ARHGAP10: variants seen among roughly 807,000 people sequenced by gnomAD.
ARHGAP10 encodes Rho GTPase activating protein 10.
Under a neutral mutation model 108.6 loss-of-function variants are expected in ARHGAP10, and 87 were observed. The ratio of observed to expected loss-of-function variants is 0.80; its 90% CI spans 0.67 to 0.96. ARHGAP10 has a LOEUF of 0.96. Ranked by LOEUF, ARHGAP10 falls within the 40% of genes least tolerant of loss-of-function variation. ARHGAP10 has a pLI of 0.00. For synonymous variants in ARHGAP10, 347 were observed against 341.1 expected (o/e 1.02, Z -0.19); for missense variants, 939 against 954.5 (o/e 0.98, Z 0.21).
chr4:147,932,609 A>G (rs974766709), intron 13 of ARHGAP10, among the ~76,000 whole-genome samples: 1 of 140,622 alleles, frequency 7.1e-6, no homozygotes. Context: ...ATAATAACAC[A>G]TGGACACATG....
intron 1 of ARHGAP10, among the ~76,000 whole-genome samples, chr4:147,786,605 C>G (rs1730903831): frequency 6.6e-6 from 1 of 152,084 alleles, no homozygotes. Flanking sequence ...TTTAATGTTT[C>G]AAAGGATAAT....
Position 148,004,101 on chromosome 4 carries a change from C to T in ARHGAP10, c.1717-19162C>T, listed in dbSNP as rs188368619. ...ACTTAGAGCCAGGTCCAGTGGTGCA[C>T]GCCTGTAATTCCAGCTACTCAGGAG... On this transcript the variant is annotated intron_variant, in intron 18 of 22. Coordinates refer to ENST00000336498, the MANE Select transcript of ARHGAP10 (RefSeq NM_024605.4). Among the ~76,000 whole-genome samples the T allele has an allele frequency of 5.3e-5, 8 of 152,248 alleles. No homozygotes were observed. The East Asian group carries it at 1.2e-3, about 22-fold the overall frequency.
chr4:147,803,969 G>T (rs1221947446), intron 1 of ARHGAP10, among the ~76,000 whole-genome samples: 1 of 151,640 alleles, frequency 6.6e-6, no homozygotes. Context: ...TGGGAATGCT[G>T]GATCATATGG....
At chr4:147,866,905 A>G in intron 7 of ARHGAP10, 89 bp downstream of exon 7, 1 of 1,130,004 alleles carries the variant, frequency 8.8e-7, no homozygotes, top group Non-Finnish European at 1.3e-6. Flanking sequence ...TTAAATGAAG[A>G]CAATGCTGAT....
chr4:147,855,590 A>T (rs1376464987), intron 4 of ARHGAP10, among the ~76,000 whole-genome samples: 1 of 151,922 alleles, frequency 6.6e-6, no homozygotes, highest in African/African-American at 2.4e-5. Context: ...GAACCATAGG[A>T]TCACAGAATT....
At chr4:148,038,500 A>T (rs567604869) in intron 19 of ARHGAP10, among the ~76,000 whole-genome samples, 1 of 152,040 alleles carries the variant, frequency 6.6e-6, no homozygotes, top group Non-Finnish European at 1.5e-5. Context: ...AGAGGTGTTG[A>T]TTCTTGAGGG....
intron 19 of ARHGAP10, among the ~76,000 whole-genome samples, chr4:148,032,460 G>A (rs531756888): frequency 6.6e-6 from 1 of 150,844 alleles, no homozygotes; most frequent in Non-Finnish European, 1.5e-5. Flanking sequence ...TTATTAGCAA[G>A]TCTGTACCTT....
chr4:147,779,378 C>G (rs879682377), intron 1 of ARHGAP10, among the ~76,000 whole-genome samples: 4 of 152,150 alleles, frequency 2.6e-5, no homozygotes, highest in African/African-American at 4.8e-5. Flanking sequence ...AGCTGGCACT[C>G]TCTTTAGGCA....
intron 13 of ARHGAP10, among the ~76,000 whole-genome samples, chr4:147,928,667 G>A (rs1737553813): frequency 6.6e-6 from 1 of 152,188 alleles, no homozygotes; most frequent in African/African-American, 2.4e-5. Context: ...AGCAGGAATT[G>A]TATATTTTCC....
intron 1 of ARHGAP10, among the ~76,000 whole-genome samples, chr4:147,751,069 C>T (rs572572285): frequency 5.1e-4 from 77 of 151,272 alleles, no homozygotes; most frequent in East Asian, 2.6e-3. Flanking sequence ...GTCCCATCTA[C>T]GTGGGAGGCT....
At chr4:147,926,525 G>T (rs564489084) in intron 13 of ARHGAP10, among the ~76,000 whole-genome samples, 2 of 152,120 alleles carry the variant, frequency 1.3e-5, no homozygotes, top group Non-Finnish European at 2.9e-5. Flanking sequence ...GTTTGGGAGG[G>T]ATAGAGACTG....
chr4:147,802,587 G>C (rs907202288), intron 1 of ARHGAP10, among the ~76,000 whole-genome samples: 1 of 152,176 alleles, frequency 6.6e-6, no homozygotes, highest in Non-Finnish European at 1.5e-5. Flanking sequence ...TTTGTGTCTC[G>C]TAGTTACTTG....
chr4:147,769,133 T>C (rs1230450920), intron 1 of ARHGAP10, among the ~76,000 whole-genome samples: 1 of 152,186 alleles, frequency 6.6e-6, no homozygotes, highest in Non-Finnish European at 1.5e-5. Flanking sequence ...TGGATAATGC[T>C]TTAAGGTAGG....
intron 1 of ARHGAP10, among the ~76,000 whole-genome samples, chr4:147,818,168 T>C (rs1015508097): frequency 3.3e-5 from 5 of 151,730 alleles, no homozygotes; most frequent in African/African-American, 7.3e-5. Context: ...CTTTTTCTTT[T>C]TTTTTTTTTT....
chr4:147,874,901 T>C (rs540518228), intron 7 of ARHGAP10, 120 bp from the exon 8 acceptor site: 12 of 1,111,732 alleles, frequency 1.1e-5, no homozygotes, highest in South Asian at 2.6e-5. Flanking sequence ...TTTGAGAAAT[T>C]TATAAAAAAG....
At chr4:147,807,371 G>T (rs1272815606) in intron 1 of ARHGAP10, among the ~76,000 whole-genome samples, 1 of 151,900 alleles carries the variant, frequency 6.6e-6, no homozygotes, top group African/African-American at 2.4e-5. Context: ...TAAAAAGTAT[G>T]ACATGAAACT....
intron 19 of ARHGAP10, among the ~76,000 whole-genome samples, chr4:148,042,904 A>AT (rs1055260392): frequency 6.6e-6 from 1 of 151,982 alleles, no homozygotes; most frequent in African/African-American, 2.4e-5. Flanking sequence ...GGGTCTTCAG[A>AT]TTTTTTTTCC....
intron 7 of ARHGAP10, among the ~76,000 whole-genome samples, chr4:147,874,655 C>A (rs1734987860): frequency 6.6e-6 from 1 of 152,182 alleles, no homozygotes; most frequent in Non-Finnish European, 1.5e-5. Context: ...AAAGGAAATT[C>A]TTCTCAGGTA....
intron 3 of ARHGAP10, among the ~76,000 whole-genome samples, chr4:147,833,048 T>G (rs1733017279): frequency 6.6e-6 from 1 of 152,176 alleles, no homozygotes; most frequent in Non-Finnish European, 1.5e-5. Flanking sequence ...AAAGAGTGGG[T>G]GCCTGCCATC....
Sources: gnomAD v4.1 joint callset for allele counts (sites outside exome capture counted in the v4.1 genomes callset) on GRCh38, gnomAD v4.1.1 for gene constraint, MANE v1.5 for transcripts, NCBI Gene and HGNC (gene_info 2026-07-23, HGNC 2026-07-21) for gene names.